CHID1: variants seen among roughly 807,000 people sequenced by gnomAD.
The protein encoded by CHID1 is chitinase domain-containing protein 1.
A neutral mutation model predicts 55.4 loss-of-function variants in CHID1; 44 were observed. The ratio of observed to expected loss-of-function variants is 0.79; its 90% CI spans 0.62 to 1.02. CHID1 has a LOEUF of 1.02. CHID1 is among the 50% of genes least tolerant of loss of function. CHID1 has a pLI of 0.00. For missense variants in CHID1, 491 were observed against 515.3 expected (o/e 0.95, Z 0.46); for synonymous variants, 216 against 212.9 (o/e 1.01, Z -0.13).
At chr11:889,035 C>G (rs1174673209) in intron 8 of CHID1, among the ~76,000 whole-genome samples, 1 of 152,204 alleles carries the variant, frequency 6.6e-6, no homozygotes, top group East Asian at 1.9e-4. Flanking sequence ...GCCCCAGGGC[C>G]CTGGGGGTGC....
intron 10 of CHID1, among the ~76,000 whole-genome samples, chr11:877,474 G>A (rs1849592840): frequency 2.0e-5 from 3 of 152,186 alleles, no homozygotes. Context: ...TCGAACCCCT[G>A]GGCTCAAGCA....
At chr11:873,187 T>A (rs1849288361) in intron 10 of CHID1, among the ~76,000 whole-genome samples, 1 of 151,634 alleles carries the variant, frequency 6.6e-6, no homozygotes, top group Non-Finnish European at 1.5e-5. Context: ...CCACCCGGTA[T>A]AGGGGCGGGG....
rs369490157 is a variant in CHID1, at chr11:885,727, A to T, written c.702-1558T>A. 2.2e-3 allele frequency among the ~76,000 whole-genome samples: 328 copies of T among 152,028 alleles called. 3 individuals carry two copies. The highest frequency in any genetic ancestry group is 6.4e-3 in the African/African-American group (266 of 41,462). ...CCAGGTCCTCTCACCGAAACCCAAG[A>T]TCATTTCTTTTTTATTTCTGAGATG... On this transcript the variant is annotated intron_variant, in intron 8 of 12. Coordinates refer to ENST00000323578, the MANE Select transcript of CHID1 (RefSeq NM_023947.4).
chr11:898,628 G>T (rs1169171288), intron 7 of CHID1, among the ~76,000 whole-genome samples: 1 of 152,216 alleles, frequency 6.6e-6, no homozygotes. Flanking sequence ...CGGTGAGTTG[G>T]CAGGGCTGCT....
intron 5 of CHID1, 73 bp from the exon 6 acceptor site, chr11:900,183 A>C (rs544996424): frequency 8.1e-7 from 1 of 1,236,320 alleles, no homozygotes; most frequent in East Asian, 2.3e-5. Flanking sequence ...TTGCTGCCTC[A>C]AAAAGGCATC....
rs140056126 is a variant in CHID1 at position 901,733 on chromosome 11, C to T, written c.394+465G>A. ...CACCCTCACAGCCACCTGGACCACA[C>T]GCAGACCTGGGCGGAACACTCTGAG... On this transcript the variant is annotated intron_variant, in intron 4 of 12. Coordinates refer to ENST00000323578, the MANE Select transcript of CHID1 (RefSeq NM_023947.4). 9.5e-3 allele frequency among the ~76,000 whole-genome samples: 1,446 copies of T among 152,320 alleles called. 13 individuals carry two copies. Among genetic ancestry groups the T allele is most frequent in the Middle Eastern group, 0.054 (16 of 294 alleles).
At chr11:911,549 C>T (rs1006650697), upstream of CHID1, 2 of 152,196 alleles carry the variant, frequency 1.3e-5, no homozygotes, top group Non-Finnish European at 2.9e-5. Flanking sequence ...CCGGGCCCCA[C>T]CCTGCCCCGC....
chr11:872,362 T>A (rs1293548704), intron 10 of CHID1, among the ~76,000 whole-genome samples: 1 of 152,198 alleles, frequency 6.6e-6, no homozygotes, highest in Non-Finnish European at 1.5e-5. Flanking sequence ...TTCTCCATGT[T>A]AGTCATGCTG....
At chr11:898,806 A>G (rs1298014940) in intron 7 of CHID1, among the ~76,000 whole-genome samples, 5 of 152,162 alleles carry the variant, frequency 3.3e-5, no homozygotes, top group Non-Finnish European at 4.4e-5. Flanking sequence ...ATGTGGCAAA[A>G]GGAGGCGTGA....
chr11:912,307 T>G (rs1852739624), upstream of CHID1, among the ~76,000 whole-genome samples: 1 of 151,966 alleles, frequency 6.6e-6, no homozygotes, highest in South Asian at 2.1e-4. Flanking sequence ...AAAGTAAGAC[T>G]CGGTCTCAAA....
At chr11:891,810 C>G (rs1471855577) in intron 8 of CHID1, among the ~76,000 whole-genome samples, 1 of 152,054 alleles carries the variant, frequency 6.6e-6, no homozygotes, top group African/African-American at 2.4e-5. Flanking sequence ...ACCCTGGGAA[C>G]ACAGGTCAGA....
intron 1 of CHID1, among the ~76,000 whole-genome samples, chr11:907,608 G>A (rs1397068206): frequency 1.3e-5 from 2 of 152,220 alleles, no homozygotes; most frequent in African/African-American, 4.8e-5. Flanking sequence ...GACACTGCTG[G>A]GAAGAAGCTC....
intron 10 of CHID1, among the ~76,000 whole-genome samples, chr11:880,149 C>T (rs765396376): frequency 2.0e-5 from 3 of 152,374 alleles, no homozygotes; most frequent in South Asian, 2.1e-4. Flanking sequence ...GGGACCCAAA[C>T]GAGCCAGGGG....
intron 8 of CHID1, among the ~76,000 whole-genome samples, chr11:886,844 A>G (rs1850443012): frequency 6.6e-6 from 1 of 152,120 alleles, no homozygotes; most frequent in Non-Finnish European, 1.5e-5. Flanking sequence ...CGTCGGTTCC[A>G]TCCCAGCCTG....
intron 7 of CHID1, among the ~76,000 whole-genome samples, chr11:894,332 G>C (rs1055078935): frequency 5.9e-5 from 9 of 151,974 alleles, no homozygotes; most frequent in African/African-American, 2.2e-4. Flanking sequence ...AGGTGGAGGG[G>C]GCAGGAGCAT....
At chr11:876,732 G>A (rs1453565129) in intron 10 of CHID1, among the ~76,000 whole-genome samples, 1 of 152,240 alleles carries the variant, frequency 6.6e-6, no homozygotes, top group African/African-American at 2.4e-5. Flanking sequence ...GAGGATGCAC[G>A]TGTGAGCGAG....
At chr11:870,716 T>G in intron 10 of CHID1, 11 of 524,916 alleles carry the variant, frequency 2.1e-5, no homozygotes, top group Middle Eastern at 5.2e-4. Context: ...TTCCAGGAGC[T>G]TCCTCGGAAG....
At chr11:896,655 A>G (rs1276995195) in intron 7 of CHID1, among the ~76,000 whole-genome samples, 17 of 48,410 alleles carry the variant, frequency 3.5e-4, no homozygotes, top group East Asian at 7.2e-4. Flanking sequence ...CAGACACGAA[A>G]CTGTCTCAGG....
upstream of CHID1, chr11:914,421 G>T (rs952874385): frequency 1.0e-4 from 83 of 827,170 alleles, no homozygotes; most frequent in Non-Finnish European, 5.0e-5. Context: ...GCATGGGGGG[G>T]ACAGAGTAGG....
Sources: gnomAD v4.1 joint callset for allele counts (sites outside exome capture counted in the v4.1 genomes callset) on GRCh38, gnomAD v4.1.1 for gene constraint, MANE v1.5 for transcripts, NCBI Gene and HGNC (gene_info 2026-07-23, HGNC 2026-07-21) for gene names.